Variants in EFHC2 observed in about 807,000 individuals in gnomAD.
EFHC2 encodes the protein EF-hand domain containing 2.
Under a neutral mutation model 52.7 loss-of-function variants are expected in EFHC2, and 18 were observed. That is an observed-to-expected ratio of 0.34 (90% CI 0.24 to 0.51). EFHC2 has a LOEUF of 0.51. Among genes scored for constraint, EFHC2 ranks in the 20% least tolerant of loss-of-function variants. EFHC2 has a pLI of 0.97. For missense variants in EFHC2, 513 were observed against 562.5 expected, an observed-to-expected ratio of 0.91 and a Z score of 0.89; for synonymous variants, 203 against 204.1, an observed-to-expected ratio of 0.99 and a Z score of 0.04.
At chrX:44,207,960 C>A (rs1474350637) in intron 11 of EFHC2, among the ~76,000 whole-genome samples, 1 of 112,136 alleles carries the variant, frequency 8.9e-6, no homozygotes, top group Admixed American at 9.4e-5. Context: ...TCATCTCACG[C>A]CAGTCAGAAT....
intron 3 of EFHC2, among the ~76,000 whole-genome samples, chrX:44,263,551 GTAC>G (rs1191349007): frequency 9.0e-6 from 1 of 111,635 alleles, no homozygotes; most frequent in African/African-American, 3.2e-5. Flanking sequence ...ATTTTTAAAT[GTAC>G]TACATAAAAG....
At chrX:44,149,095 A>T in intron 14 of EFHC2, among the ~76,000 whole-genome samples, 199 bp from the exon 15 acceptor site, 1 of 112,226 alleles carries the variant, frequency 8.9e-6, no homozygotes, top group African/African-American at 3.2e-5. Context: ...ACTCTTTGTC[A>T]TATGACTCTG....
Position 44,196,584 on chromosome X carries a change from C to G in EFHC2, c.1752-18020G>C, listed in dbSNP as rs150872803. Among the ~76,000 whole-genome samples the G allele has an allele frequency of 4.3e-3, 474 of 111,402 alleles. 15 individuals are homozygous for G. In the East Asian group the frequency reaches 0.1, roughly 24 times the overall value. On this transcript the variant is annotated intron_variant, in intron 11 of 14. Transcript: ENST00000420999. ...GTTTTTTAATCCTACCCCAACTGCC[C>G]CCATTCCAAAAGACAGTCTTCCAGA... is the stretch of plus-strand genomic sequence containing the variant.
intron 13 of EFHC2, among the ~76,000 whole-genome samples, chrX:44,173,056 T>C (rs2036757961): frequency 9.0e-6 from 1 of 111,459 alleles, no homozygotes; most frequent in African/African-American, 3.3e-5. Context: ...ATAAGAAAAA[T>C]GGGAATGGAG....
intron 2 of EFHC2, among the ~76,000 whole-genome samples, chrX:44,290,842 T>G (rs1308567667): frequency 8.9e-6 from 1 of 111,847 alleles, no homozygotes; most frequent in African/African-American, 3.3e-5. Context: ...AGGGCCTGCT[T>G]TGACTTCAGT....
At chrX:44,294,084 T>C (rs980798007) in intron 2 of EFHC2, among the ~76,000 whole-genome samples, 4 of 111,243 alleles carry the variant, frequency 3.6e-5, no homozygotes, top group African/African-American at 1.3e-4. Flanking sequence ...ATCTATACTG[T>C]AGGTGAAGGG....
intron 2 of EFHC2, among the ~76,000 whole-genome samples, chrX:44,277,319 A>G (rs1028460209): frequency 1.4e-4 from 16 of 110,638 alleles, no homozygotes; most frequent in African/African-American, 4.9e-4. Flanking sequence ...GTCAGGAAAG[A>G]AAGACAAAAC....
chrX:44,316,090 T>C (rs1179856470), intron 1 of EFHC2, among the ~76,000 whole-genome samples: 2 of 111,523 alleles, frequency 1.8e-5, no homozygotes, highest in Non-Finnish European at 3.8e-5. Context: ...TAGGTTTCCA[T>C]AATCACATGG....
intron 13 of EFHC2, among the ~76,000 whole-genome samples, chrX:44,170,746 T>C (rs1434911926): frequency 9.0e-6 from 1 of 111,144 alleles, no homozygotes; most frequent in Non-Finnish European, 1.9e-5. Flanking sequence ...TTCACTCCTC[T>C]CCAAACGACA....
At chrX:44,289,277 TG>T (rs769903418) in intron 2 of EFHC2, among the ~76,000 whole-genome samples, 106 of 111,975 alleles carry the variant, frequency 9.5e-4, no homozygotes, top group African/African-American at 3.2e-3. Context: ...TCCCCATGGT[TG>T]AACTGTTTAA....
At chrX:44,333,412 GA>G (rs781003309) in intron 1 of EFHC2, among the ~76,000 whole-genome samples, 3 of 110,913 alleles carry the variant, frequency 2.7e-5, no homozygotes, top group Non-Finnish European at 5.7e-5. Flanking sequence ...TAATTGAGTG[GA>G]AAAGTCCAAA....
intron 11 of EFHC2, among the ~76,000 whole-genome samples, chrX:44,188,292 G>T (rs1196065788): frequency 1.8e-5 from 2 of 111,307 alleles, no homozygotes; most frequent in African/African-American, 6.5e-5. Flanking sequence ...CATAAAAAGT[G>T]TTTCCTAATT....
chrX:44,222,947 T>C (rs1272720021), intron 11 of EFHC2, among the ~76,000 whole-genome samples: 3 of 111,750 alleles, frequency 2.7e-5, no homozygotes, highest in Non-Finnish European at 3.8e-5. Context: ...AATACATCAT[T>C]ATTCACTATA....
chrX:44,229,278 CCCT>C (rs1410952082), intron 11 of EFHC2, among the ~76,000 whole-genome samples: 2 of 111,822 alleles, frequency 1.8e-5, no homozygotes, highest in African/African-American at 6.5e-5. Context: ...CTGGAGATGT[CCCT>C]CCTTTGTCCC....
intron 11 of EFHC2, among the ~76,000 whole-genome samples, chrX:44,214,691 G>T (rs1424667766): frequency 8.9e-6 from 1 of 112,415 alleles, no homozygotes; most frequent in Non-Finnish European, 1.9e-5. Flanking sequence ...ATTAGAGAAG[G>T]AGTAAGTGAA....
At chrX:44,294,465 G>A (rs1333922595) in intron 2 of EFHC2, among the ~76,000 whole-genome samples, 2 of 111,116 alleles carry the variant, frequency 1.8e-5, no homozygotes, top group Non-Finnish European at 3.8e-5. Context: ...TATAATTCTA[G>A]TAATTACCCA....
chrX:44,249,396 T>C (rs1421274934), intron 5 of EFHC2, among the ~76,000 whole-genome samples: 1 of 111,498 alleles, frequency 9.0e-6, no homozygotes, highest in Non-Finnish European at 1.9e-5. Context: ...GCCTTTATGT[T>C]CTTAAGTGTC....
chrX:44,246,392 ATATGT>A (rs2037401218), intron 7 of EFHC2, among the ~76,000 whole-genome samples: 1 of 112,584 alleles, frequency 8.9e-6, no homozygotes, highest in African/African-American at 3.2e-5. Context: ...ATATTTTAAC[ATATGT>A]TATGAGAAAT....
intron 2 of EFHC2, among the ~76,000 whole-genome samples, chrX:44,304,517 GCTTC>G (rs2037890094): frequency 9.0e-6 from 1 of 111,511 alleles, no homozygotes; most frequent in Non-Finnish European, 1.9e-5. Context: ...GTCTATATTT[GCTTC>G]CTACTCATGG....
Sources: gnomAD v4.1 joint callset for allele counts (sites outside exome capture counted in the v4.1 genomes callset) on GRCh38, gnomAD v4.1.1 for gene constraint, MANE v1.5 for transcripts, NCBI Gene and HGNC (gene_info 2026-07-23, HGNC 2026-07-21) for gene names.